Variants in CNBD1 observed in about 807,000 individuals in gnomAD.
CNBD1 encodes cyclic nucleotide-binding domain-containing protein 1.
In CNBD1, 71 loss-of-function variants were observed where a neutral mutation model predicts 54.4. That is an observed-to-expected ratio of 1.30 (90% CI 1.08 to 1.59). The LOEUF (loss-of-function observed/expected upper bound fraction) is 1.59. Ranked by LOEUF, CNBD1 falls within the 40% of genes most tolerant of loss-of-function variation. The probability of loss-of-function intolerance (pLI) is 0.00; values close to 1 mark genes in which losing one functional copy is unlikely to be tolerated. For missense variants in CNBD1, 659 were observed against 518.0 expected, an observed-to-expected ratio of 1.27 and a Z score of -2.64; for synonymous variants, 182 against 170.7, an observed-to-expected ratio of 1.07 and a Z score of -0.51.
chr8:87,372,807 T>G (rs1810842383), intron 10 of CNBD1, among the ~76,000 whole-genome samples: 1 of 151,790 alleles, frequency 6.6e-6, no homozygotes, highest in African/African-American at 2.4e-5. Flanking sequence ...ACAAATTTAT[T>G]TCTGTATGTA....
chr8:86,926,198 G>A (rs1041406040), intron 3 of CNBD1, among the ~76,000 whole-genome samples: 1 of 152,080 alleles, frequency 6.6e-6, no homozygotes, highest in Non-Finnish European at 1.5e-5. Context: ...AGTCCAGCTG[G>A]CCTCACCTCT....
chr8:86,902,107 C>G (rs1323602936), intron 2 of CNBD1, among the ~76,000 whole-genome samples: 1 of 152,018 alleles, frequency 6.6e-6, no homozygotes, highest in Non-Finnish European at 1.5e-5. Flanking sequence ...ATAATACATC[C>G]AAATCTAATA....
intron 4 of CNBD1, among the ~76,000 whole-genome samples, chr8:87,071,446 T>C (rs1198692135): frequency 1.3e-5 from 2 of 152,106 alleles, no homozygotes; most frequent in Admixed American, 1.3e-4. Flanking sequence ...CTGGTAAAAG[T>C]CAAACATACC....
intron 2 of CNBD1, among the ~76,000 whole-genome samples, chr8:87,414,825 G>A (rs1807810331): frequency 6.6e-6 from 1 of 151,874 alleles, no homozygotes; most frequent in Admixed American, 6.6e-5. Context: ...TATTTTTTAT[G>A]CTATTTTGCA....
chr8:87,412,536 C>T (rs902843492), intron 2 of CNBD1, among the ~76,000 whole-genome samples: 3 of 152,032 alleles, frequency 2.0e-5, no homozygotes, highest in East Asian at 1.9e-4. Context: ...TTCCCGAATG[C>T]ACATGAGGCT....
intron 4 of CNBD1, among the ~76,000 whole-genome samples, chr8:87,038,887 T>C (rs558474927): frequency 6.6e-6 from 1 of 152,348 alleles, no homozygotes; most frequent in Admixed American, 6.5e-5. Flanking sequence ...TCTAGGTCAC[T>C]CCACTTTCCA....
intron 4 of CNBD1, among the ~76,000 whole-genome samples, chr8:87,165,197 A>G (rs183061696): frequency 6.6e-6 from 1 of 152,002 alleles, no homozygotes; most frequent in Non-Finnish European, 1.5e-5. Context: ...ATTCTGAACA[A>G]TGCTCTGTGT....
intron 8 of CNBD1, among the ~76,000 whole-genome samples, chr8:87,346,307 G>T (rs1810175652): frequency 6.6e-6 from 1 of 152,072 alleles, no homozygotes. Context: ...CTCCCAAAGT[G>T]CTGGTATCAC....
In CNBD1 at chr8:86,939,598, A is replaced by G; in HGVS notation, c.275A>G (p.Glu92Gly). The stretch of plus-strand genomic sequence containing the variant: ...AAATACTATATTTTCTTGTTCAGGG[A>G]ACTCAATGAAGGCAAAGAGGAAAGT... ...PKLFKQEEQR[E>G]LNEGKEESQH... The change falls in exon 4 of 11, where the codon GAA becomes GGA. Residue 92 changes from glutamate to glycine, a missense_variant and splice_region_variant. Glu to Gly is a moderately conservative substitution (Grantham distance 98, BLOSUM62 -2). Coordinates refer to ENST00000518476, the MANE Select transcript of CNBD1 (RefSeq NM_173538.3). The G allele has an allele frequency of 1.3e-6, 2 of 1,577,010 alleles. No homozygotes were observed. Among genetic ancestry groups the G allele is most frequent in the Non-Finnish European group, 1.7e-6 (2 of 1,165,634 alleles).
At chr8:87,253,213 C>A (rs1274453150) in intron 6 of CNBD1, among the ~76,000 whole-genome samples, 1 of 152,156 alleles carries the variant, frequency 6.6e-6, no homozygotes, top group African/African-American at 2.4e-5. Context: ...CTCTCCCTTG[C>A]CCTTTACCCC....
At chr8:86,882,132 A>C (rs1431199896) in intron 1 of CNBD1, among the ~76,000 whole-genome samples, 1 of 152,192 alleles carries the variant, frequency 6.6e-6, no homozygotes, top group African/African-American at 2.4e-5. Flanking sequence ...AGATTTCATG[A>C]TGAAGATGCC....
intron 10 of CNBD1, among the ~76,000 whole-genome samples, chr8:87,381,617 A>G (rs1811076677): frequency 1.3e-5 from 2 of 152,054 alleles, no homozygotes; most frequent in African/African-American, 4.8e-5. Flanking sequence ...ATATGTGGGA[A>G]ATCTATTGAC....
At chr8:87,251,367 G>A (rs34451281) in intron 6 of CNBD1, among the ~76,000 whole-genome samples, 1 of 151,808 alleles carries the variant, frequency 6.6e-6, no homozygotes, top group African/African-American at 2.4e-5. Flanking sequence ...CAGGTGGATT[G>A]CCTCAGGTCA....
chr8:87,291,123 C>CA (rs1490535683), intron 8 of CNBD1, among the ~76,000 whole-genome samples: 1 of 152,160 alleles, frequency 6.6e-6, no homozygotes, highest in Non-Finnish European at 1.5e-5. Context: ...AGGTAAAATG[C>CA]AAAATCTTTA....
chr8:87,263,112 T>C (rs1406262382), intron 6 of CNBD1, among the ~76,000 whole-genome samples: 1 of 152,152 alleles, frequency 6.6e-6, no homozygotes, highest in African/African-American at 2.4e-5. Context: ...GAAAGAATGA[T>C]CAAAATTGTG....
rs558166098 is a variant in CNBD1, at chr8:86,940,549, T to C, written c.431+795T>C. ...GAAGGAGGGGTGTGGAGGAGAAGAT[T>C]AAATCTGAGTGTAGGCTGATTACCA... On this transcript the variant is annotated intron_variant, in intron 4 of 10. Transcript: ENST00000518476. Among the ~76,000 whole-genome samples the C allele has an allele frequency of 1.5e-4, 23 of 152,270 alleles. No individual in the cohort carries two copies. In the South Asian group the frequency reaches 4.6e-3, roughly 30 times the overall value.
chr8:87,068,567 G>A (rs1195209109), intron 4 of CNBD1, among the ~76,000 whole-genome samples: 2 of 151,934 alleles, frequency 1.3e-5, no homozygotes, highest in African/African-American at 4.8e-5. Flanking sequence ...TAATAATCTT[G>A]CTTGTGTTTT....
At chr8:86,964,614 C>A (rs1055589119) in intron 4 of CNBD1, among the ~76,000 whole-genome samples, 1 of 152,156 alleles carries the variant, frequency 6.6e-6, no homozygotes, top group Non-Finnish European at 1.5e-5. Flanking sequence ...GAAAAGGGGA[C>A]CCGAATCTAA....
Position 87,229,792 on chromosome 8 carries a change from A to C in CNBD1, c.578-7127A>C, listed in dbSNP as rs1357847774. ...TGCATATATGTCTGAAATTAAAAAA[A>C]AACTTTTATTTTCAAATTTCTTCTC... On this transcript the variant is annotated intron_variant, in intron 5 of 10. Transcript: ENST00000518476. Among the ~76,000 whole-genome samples the C allele has an allele frequency of 9.2e-5, 14 of 152,348 alleles. No homozygotes were observed. In the East Asian group the frequency reaches 2.5e-3, roughly 27 times the overall value.
Sources: gnomAD v4.1 joint callset for allele counts (sites outside exome capture counted in the v4.1 genomes callset) on GRCh38, gnomAD v4.1.1 for gene constraint, MANE v1.5 for transcripts, NCBI Gene and HGNC (gene_info 2026-07-23, HGNC 2026-07-21) for gene names.